CENPE: variants seen among roughly 807,000 people sequenced by gnomAD.
CENPE encodes centromere protein E, also known as centromere-associated protein E.
In CENPE, 145 loss-of-function variants were observed where a neutral mutation model predicts 336.1. The observed-to-expected ratio is 0.43, with a 90% CI of 0.38 to 0.50. CENPE has a LOEUF of 0.50. Ranked by LOEUF, CENPE falls within the 20% of genes least tolerant of loss-of-function variation. CENPE has a pLI of 0.00. For synonymous variants in CENPE, 1,013 were observed against 984.8 expected, an observed-to-expected ratio of 1.03 and a Z score of -0.54; for missense variants, 2,719 against 3,023.3, an observed-to-expected ratio of 0.90 and a Z score of 2.36.
At chr4:103,173,733 G>C (rs1040469359) in intron 16 of CENPE, among the ~76,000 whole-genome samples, 2 of 149,892 alleles carry the variant, frequency 1.3e-5, no homozygotes, top group Non-Finnish European at 3.0e-5. Flanking sequence ...CAGAAGACCT[G>C]AACAGACGTT....
At chr4:103,158,179 T>G (rs1485301124) in intron 24 of CENPE, 121 bp downstream of exon 24, 8 of 657,378 alleles carry the variant, frequency 1.2e-5, no homozygotes, top group Non-Finnish European at 1.9e-5. Flanking sequence ...CTTGTAAAAT[T>G]ATTGTTAGTT....
rs1753301946 is a variant in CENPE, at chr4:103,148,957, G to A, written c.3730C>T (p.Leu1244=). 3 of 1,613,694 alleles carry A rather than the reference G, an allele frequency of 1.9e-6. No homozygotes were observed. The highest frequency in any genetic ancestry group is 3.3e-4 in the Middle Eastern group (2 of 6,056). The change falls in exon 28 of 49, where the codon CTA becomes TTA. Residue 1244 remains leucine, a synonymous_variant. Transcript: ENST00000265148. The stretch of plus-strand genomic sequence containing the variant: ...TCAATAGTTTCTTGGTGTTCTTTTA[G>A]GTGAATATGAGCAATTTTTAGTTCT... ...KEELKIAHIH[L]KEHQETIDEL...
intron 16 of CENPE, among the ~76,000 whole-genome samples, chr4:103,166,742 G>T (rs1754954779): frequency 6.6e-6 from 1 of 152,016 alleles, no homozygotes; most frequent in Non-Finnish European, 1.5e-5. Context: ...TAAAACACTG[G>T]GTCTTATTTT....
At chr4:103,118,820 A>G (rs1419709811) in intron 44 of CENPE, among the ~76,000 whole-genome samples, 1 of 152,210 alleles carries the variant, frequency 6.6e-6, no homozygotes, top group African/African-American at 2.4e-5. Flanking sequence ...CTCTCCCAGA[A>G]TAGAAATGAG....
At position 103,108,849 on chromosome 4, in the gene CENPE, A is replaced by G. The variant is rs1749128307; in HGVS notation, c.7965T>C (p.Pro2655=). Residue 2655 remains proline, a synonymous_variant, in exon 48 of 49, where the codon CCT becomes CCC. Coordinates refer to ENST00000265148, the MANE Select transcript of CENPE (RefSeq NM_001813.3). ...FDSRSKSLPS[P]HPVRYFDNSS... Reference sequence around the variant, plus strand: ...AGTTATCAAAATAGCGAACTGGATGAGGTGATGGTAAAGACTTTGATCGGC... The same window carrying G: ...AGTTATCAAAATAGCGAACTGGATGGGGTGATGGTAAAGACTTTGATCGGC... 6.2e-7 allele frequency: 1 copy of G among 1,613,912 alleles called. No homozygotes were observed. The highest frequency in any genetic ancestry group is 8.5e-7 in the Non-Finnish European group (1 of 1,179,844).
At chr4:103,116,728 G>A in intron 44 of CENPE, 39 bp from the exon 45 acceptor site, 1 of 1,080,538 alleles carries the variant, frequency 9.3e-7, no homozygotes, top group East Asian at 2.6e-5. Context: ...AATTATTAGA[G>A]GCGCTTCAGT....
chr4:103,152,981 G>T, intron 25 of CENPE, 66 bp downstream of exon 25: 1 of 1,182,086 alleles, frequency 8.5e-7, no homozygotes, highest in Non-Finnish European at 1.2e-6. Flanking sequence ...CCTCAATAAA[G>T]TTGATAAAAA....
intron 43 of CENPE, among the ~76,000 whole-genome samples, chr4:103,121,936 A>G (rs1464738487): frequency 2.6e-5 from 4 of 152,066 alleles, no homozygotes; most frequent in African/African-American, 9.7e-5. Context: ...TTAATTGGGT[A>G]TATTTCTGAA....
intron 16 of CENPE, among the ~76,000 whole-genome samples, chr4:103,166,014 T>A (rs943153139): frequency 1.3e-5 from 2 of 152,154 alleles, no homozygotes; most frequent in African/African-American, 4.8e-5. Flanking sequence ...ATTTTTGTAA[T>A]CTTTCTCTGT....
At chr4:103,133,450 C>T (rs1277742279) in intron 41 of CENPE, among the ~76,000 whole-genome samples, 1 of 152,120 alleles carries the variant, frequency 6.6e-6, no homozygotes, top group African/African-American at 2.4e-5. Context: ...TAACACATTC[C>T]ATGTGGAGTT....
intron 2 of CENPE, 29 bp from the exon 3 acceptor site, chr4:103,196,281 C>T (rs756863563): frequency 4.9e-6 from 7 of 1,437,006 alleles, no homozygotes; most frequent in Non-Finnish European, 5.8e-6. Flanking sequence ...AACAACAACA[C>T]AGAAGTTAAA....
intron 42 of CENPE, among the ~76,000 whole-genome samples, chr4:103,130,427 C>G (rs1247945401): frequency 6.6e-6 from 1 of 151,894 alleles, no homozygotes; most frequent in Non-Finnish European, 1.5e-5. Flanking sequence ...ATACTAGCAC[C>G]CCCCAAAATA....
At position 103,145,553 on chromosome 4, in the gene CENPE, T is replaced by C; in HGVS notation, c.4542A>G (p.Leu1514=). Residue 1514 remains leucine, a synonymous_variant, in exon 31 of 49, where the codon TTA becomes TTG. Coordinates refer to ENST00000265148, the MANE Select transcript of CENPE (RefSeq NM_001813.3). The stretch of plus-strand genomic sequence containing the variant: ...TCTGTAATTTATCATTGATTGCTTC[T>C]AACTGCTTTTGAATGGTTGATATTT... ...ETEISTIQKQ[L]EAINDKLQNK... 6.2e-7 allele frequency: 1 copy of C among 1,607,428 alleles called. No individual in the cohort carries two copies.
chr4:103,142,058 C>T lies in CENPE; in HGVS notation c.5305-150G>A, dbSNP rs1752608776. On this transcript the variant is annotated intron_variant, in intron 34 of 48. Coordinates refer to ENST00000265148, the MANE Select transcript of CENPE (RefSeq NM_001813.3). Reference sequence around the variant, plus strand: ...AAGGTACAGGCTTTCTCTTCCCTGTCCTCCTCTCTTCACACTCTACTTCTG... The same window carrying T: ...AAGGTACAGGCTTTCTCTTCCCTGTTCTCCTCTCTTCACACTCTACTTCTG... The T allele has an allele frequency of 3.2e-5, 18 of 570,486 alleles. No homozygotes were observed. The South Asian group carries it at 3.7e-4, about 12-fold the overall frequency. 35.3% of individuals were successfully genotyped at this position (570,486 alleles called of 1,614,324 possible). A position where few individuals can be genotyped will look rare whatever the true frequency, so the allele number is the denominator to read the frequency against.
Position 103,140,847 on chromosome 4 carries a change from T to C in CENPE, c.5721A>G (p.Gln1907=), listed in dbSNP as rs751512806. ...TGGTTTCTTGCAGGCTTTCCTTGAG[T>C]TGGTCTCTCTCCAGTTTGAGTGTCT... ...VEETLKLERD[Q]LKESLQETKA... The change falls in exon 36 of 49, where the codon CAA becomes CAG. Residue 1907 remains glutamine (Q), a synonymous_variant. Transcript: ENST00000265148. 14 of 1,598,794 alleles carry C rather than the reference T, an allele frequency of 8.8e-6. No homozygotes were observed. The South Asian group carries it at 1.6e-4, about 18-fold the overall frequency.
chr4:103,197,279 A>T (rs972149881), intron 1 of CENPE, among the ~76,000 whole-genome samples: 3 of 152,156 alleles, frequency 2.0e-5, no homozygotes, highest in Non-Finnish European at 4.4e-5. Context: ...GACAGATGTA[A>T]CCTCTCTGTG....
intron 46 of CENPE, among the ~76,000 whole-genome samples, chr4:103,113,122 ATATGTG>A (rs1207070250): frequency 1.5e-5 from 2 of 131,956 alleles, no homozygotes; most frequent in Non-Finnish European, 3.1e-5. Flanking sequence ...ACTTATAAGT[ATATGTG>A]TATATATACT....
At chr4:103,194,341 G>T in intron 7 of CENPE, 33 bp downstream of exon 7, 1 of 1,607,058 alleles carries the variant, frequency 6.2e-7, no homozygotes, top group Non-Finnish European at 8.5e-7. Flanking sequence ...ATTCTTACTT[G>T]GAAAGATCTA....
At chr4:103,158,197 T>C (rs546695903) in intron 24 of CENPE, 103 bp downstream of exon 24, 5 of 813,394 alleles carry the variant, frequency 6.1e-6, no homozygotes, top group South Asian at 5.5e-5. Context: ...GTTATTACCA[T>C]TGTGAGTAAC....
Sources: allele counts gnomAD v4.1 joint callset (sites outside exome capture counted in the v4.1 genomes callset), GRCh38; gene constraint gnomAD v4.1.1; transcripts MANE v1.5; gene names NCBI Gene and HGNC (gene_info 2026-07-23, HGNC 2026-07-21).